HAT1: variants seen among roughly 807,000 people sequenced by gnomAD.
The protein encoded by HAT1 is histone acetyltransferase type B catalytic subunit.
Under a neutral mutation model 56.6 loss-of-function variants are expected in HAT1, and 20 were observed. That is an observed-to-expected ratio of 0.35 (90% CI 0.25 to 0.51). The LOEUF (loss-of-function observed/expected upper bound fraction) is 0.51. HAT1 is among the 20% of genes least tolerant of loss of function. The pLI is 0.95. For missense variants in HAT1, 408 were observed against 504.3 expected (o/e 0.81, Z 1.83); for synonymous variants, 146 against 165.5 (o/e 0.88, Z 0.91).
intron 8 of HAT1, among the ~76,000 whole-genome samples, chr2:171,971,246 G>T (rs534664509): frequency 1.3e-5 from 2 of 152,190 alleles, no homozygotes; most frequent in Non-Finnish European, 2.9e-5. Context: ...TTGCTTAAGC[G>T]TTTGTCTCTA....
chr2:171,957,302 C>A (rs1687471109), intron 4 of HAT1, among the ~76,000 whole-genome samples: 2 of 152,256 alleles, frequency 1.3e-5, no homozygotes, highest in South Asian at 4.1e-4. Flanking sequence ...TATTCTTAGG[C>A]CTTGAAACCT....
chr2:171,961,672 A>G (rs192860156), intron 4 of HAT1, among the ~76,000 whole-genome samples: 21 of 152,340 alleles, frequency 1.4e-4, no homozygotes, highest in Non-Finnish European at 2.6e-4. Flanking sequence ...GAAATATCAT[A>G]AAGAGCTTTA....
At chr2:171,938,182 AGAG>A (rs1381940349) in intron 2 of HAT1, among the ~76,000 whole-genome samples, 2 of 152,068 alleles carry the variant, frequency 1.3e-5, no homozygotes, top group Non-Finnish European at 2.9e-5. Flanking sequence ...GCTTAAGGCT[AGAG>A]GAGTTCAAAA....
intron 2 of HAT1, among the ~76,000 whole-genome samples, chr2:171,928,378 T>C (rs1255472926): frequency 6.6e-6 from 1 of 152,268 alleles, no homozygotes; most frequent in African/African-American, 2.4e-5. Flanking sequence ...AAATTAGCTT[T>C]CTGTGTTCTA....
At chr2:171,955,436 A>AC (rs1308759798) in intron 4 of HAT1, among the ~76,000 whole-genome samples, 2 of 151,226 alleles carry the variant, frequency 1.3e-5, no homozygotes, top group African/African-American at 2.4e-5. Context: ...ACATGGTGAA[A>AC]CCCATCTCTA....
At chr2:171,951,228 CTTA>C (rs1435124078) in intron 3 of HAT1, among the ~76,000 whole-genome samples, 1 of 152,104 alleles carries the variant, frequency 6.6e-6, no homozygotes, top group African/African-American at 2.4e-5. Context: ...ATAATTGTAT[CTTA>C]TTATACATAG....
At chr2:171,967,076 A>T (rs1687700306) in intron 8 of HAT1, 127 bp downstream of exon 8, 2 of 581,084 alleles carry the variant, frequency 3.4e-6, no homozygotes, top group African/African-American at 1.9e-5. Context: ...AAGCCATCTA[A>T]AGATGGCTTA....
At position 171,965,870 on chromosome 2, in the gene HAT1, T is replaced by A; in HGVS notation, c.573T>A (p.Phe191Leu). The A allele has an allele frequency of 6.2e-7, 1 of 1,613,198 alleles. No homozygotes were observed. Among genetic ancestry groups the A allele is most frequent in the South Asian group, 1.1e-5 (1 of 91,044 alleles). Residue 191 changes from phenylalanine (F) to leucine (L), a missense_variant, in exon 6 of 11, where the codon TTT becomes TTA. Physicochemically the swap from Phe to Leu is conservative, Grantham distance 22. Transcript: ENST00000264108. ...TGTGGTTTATTGAAACTGCTAGCTTTATTGACGTGGATGATGAAAGATGGC... is the reference window on the plus strand; with the variant it reads ...TGTGGTTTATTGAAACTGCTAGCTTAATTGACGTGGATGATGAAAGATGGC... ...FLMWFIETAS[F>L]IDVDDERWHY...
chr2:171,938,054 CTCTCTCTCTCTCTCTCTCTCTT>C (rs1307484580), intron 2 of HAT1, among the ~76,000 whole-genome samples: 20 of 150,420 alleles, frequency 1.3e-4, no homozygotes, highest in African/African-American at 4.2e-4. Flanking sequence ...CTCTCTCTCT[CTCTCTCTCTCTCTCTCTCTCTT>C]TAAATGAACT....
At chr2:171,941,238 A>C (rs1202186726) in intron 2 of HAT1, among the ~76,000 whole-genome samples, 1 of 151,988 alleles carries the variant, frequency 6.6e-6, no homozygotes, top group African/African-American at 2.4e-5. Context: ...TTTGAGACAG[A>C]GTCTCGCTCT....
At position 171,922,518 on chromosome 2, in the gene HAT1, G is replaced by A; in HGVS notation, c.7+11G>A. 2 of 1,317,982 alleles carry A rather than the reference G, an allele frequency of 1.5e-6. No homozygotes were observed. The highest frequency in any genetic ancestry group is 2.0e-4 in the Middle Eastern group (1 of 4,922). The allele number at this position is 1,317,982 out of a possible 1,614,324, so 81.6% of individuals were successfully genotyped here. On this transcript the variant is annotated intron_variant, in intron 1 of 10. Coordinates refer to ENST00000264108, the MANE Select transcript of HAT1 (RefSeq NM_003642.4). The stretch of plus-strand genomic sequence containing the variant: ...GCTCGGAAATGGCGGGTAAGTTACC[G>A]GGAAAAGTTTACCAAGGGGAGGAGG...
chr2:171,980,182 C>T (rs765716150), intron 10 of HAT1: 1 of 152,146 alleles, frequency 6.6e-6, no homozygotes, highest in Non-Finnish European at 1.5e-5. Flanking sequence ...CATTTGTATG[C>T]ATCTTTAAAA....
intron 4 of HAT1, among the ~76,000 whole-genome samples, chr2:171,953,268 C>G (rs949124049): frequency 2.0e-5 from 3 of 152,088 alleles, no homozygotes; most frequent in East Asian, 1.9e-4. Context: ...ATGGCTTGAG[C>G]CCAGGAGGCA....
chr2:171,961,383 G>A (rs1687571345), intron 4 of HAT1, among the ~76,000 whole-genome samples: 1 of 152,180 alleles, frequency 6.6e-6, no homozygotes, highest in African/African-American at 2.4e-5. Flanking sequence ...TAAGATTGTT[G>A]TCTTGCTAAT....
At position 171,944,158 on chromosome 2, in the gene HAT1, A is replaced by T. The variant is rs569888443; in HGVS notation, c.113-2550A>T. Among the ~76,000 whole-genome samples, 70 of 148,536 alleles carry T rather than the reference A, an allele frequency of 4.7e-4. 2 individuals are homozygous for T. The highest frequency in any genetic ancestry group is 1.6e-3 in the African/African-American group (67 of 40,842). On this transcript the variant is annotated intron_variant, in intron 2 of 10. Transcript: ENST00000264108. Reference sequence around the variant, plus strand: ...AACCCTGTCTCAAAAAAAAAAAAAAATACTTAAACAAGGATCCAGTAAGGG... The same window carrying T: ...AACCCTGTCTCAAAAAAAAAAAAAATTACTTAAACAAGGATCCAGTAAGGG...
rs200079565 is a variant in HAT1 at position 171,924,940 on chromosome 2, A to G, written c.8-597A>G. ...TAAATCCTAGCAGGTAATTTGTATT[A>G]GTACATGTTCAGAAATGTTAGTAAT... is the stretch of plus-strand genomic sequence containing the variant. On this transcript the variant is annotated intron_variant, in intron 1 of 10. Coordinates refer to ENST00000264108, the MANE Select transcript of HAT1 (RefSeq NM_003642.4). 7.2e-5 allele frequency: 11 copies of G among 152,330 alleles called. No homozygotes were observed. In the East Asian group the frequency reaches 1.5e-3, roughly 21 times the overall value. The allele number at this position is 152,330 out of a possible 1,614,324, so 9.4% of individuals were successfully genotyped here. A position where few individuals can be genotyped will look rare whatever the true frequency, so the allele number is the denominator to read the frequency against.
At chr2:171,960,653 G>A (rs1382803674) in intron 4 of HAT1, among the ~76,000 whole-genome samples, 1 of 152,056 alleles carries the variant, frequency 6.6e-6, no homozygotes, top group Non-Finnish European at 1.5e-5. Flanking sequence ...ACATAATTCT[G>A]AATTTTACAA....
At chr2:171,961,944 A>G (rs972779325) in intron 4 of HAT1, among the ~76,000 whole-genome samples, 1 of 150,182 alleles carries the variant, frequency 6.7e-6, no homozygotes, top group Non-Finnish European at 1.5e-5. Flanking sequence ...AGTTAAGTCT[A>G]TGTACCACTT....
At chr2:171,935,178 C>T (rs904405655) in intron 2 of HAT1, among the ~76,000 whole-genome samples, 6 of 151,596 alleles carry the variant, frequency 4.0e-5, no homozygotes, top group African/African-American at 7.3e-5. Context: ...GGGAGGAAAA[C>T]GAGGATATGA....
Sources: allele counts gnomAD v4.1 joint callset (sites outside exome capture counted in the v4.1 genomes callset), GRCh38; gene constraint gnomAD v4.1.1; transcripts MANE v1.5; gene names NCBI Gene and HGNC (gene_info 2026-07-23, HGNC 2026-07-21).